Variants in ASAH2 observed in about 807,000 individuals in gnomAD.
ASAH2 encodes the protein neutral ceramidase.
Under a neutral mutation model 82.9 loss-of-function variants are expected in ASAH2, and 58 were observed. That is an observed-to-expected ratio of 0.70 (90% CI 0.57 to 0.87). The LOEUF is 0.87. Among genes scored for constraint, ASAH2 ranks in the 40% least tolerant of loss-of-function variants. ASAH2 has a pLI of 0.00. For synonymous variants in ASAH2, 276 were observed against 289.7 expected, an observed-to-expected ratio of 0.95 and a Z score of 0.48; for missense variants, 779 against 834.0, an observed-to-expected ratio of 0.93 and a Z score of 0.81.
At chr10:50,212,662 G>GA (rs1442448425) in intron 10 of ASAH2, among the ~76,000 whole-genome samples, 2 of 152,256 alleles carry the variant, frequency 1.3e-5, no homozygotes, top group African/African-American at 4.8e-5. Flanking sequence ...ACAAGAAATT[G>GA]AAAATCTTAT....
At chr10:50,250,310 G>A (rs1000650092) in intron 1 of ASAH2, among the ~76,000 whole-genome samples, 1 of 152,170 alleles carries the variant, frequency 6.6e-6, no homozygotes, top group South Asian at 2.1e-4. Context: ...ACACTTCAGA[G>A]GGTAGGCTGA....
intron 4 of ASAH2, among the ~76,000 whole-genome samples, chr10:50,238,517 G>C (rs1013007434): frequency 6.6e-6 from 1 of 151,906 alleles, no homozygotes; most frequent in South Asian, 2.1e-4. Flanking sequence ...CACCACTCTC[G>C]CATATTATTC....
intron 13 of ASAH2, 119 bp downstream of exon 13, chr10:50,205,857 CTTGATA>C: frequency 1.2e-6 from 1 of 833,584 alleles, no homozygotes; most frequent in South Asian, 1.5e-5. Flanking sequence ...ATATTAAAAA[CTTGATA>C]TGGGAATATC....
rs548828891 is a variant in ASAH2, at chr10:50,217,008, A to G, written c.1014+1502T>C. Among the ~76,000 whole-genome samples the G allele has an allele frequency of 3.5e-4, 54 of 152,234 alleles. 1 individual carries two copies. Among genetic ancestry groups the G allele is most frequent in the Non-Finnish European group, 4.3e-4 (29 of 68,008 alleles). ...GTTGAAATTTGATCTCCATTGTGGC[A>G]TTGCTGAGAGCTGTAGCCTAGCAGG... is the stretch of plus-strand genomic sequence containing the variant. On this transcript the variant is annotated intron_variant, in intron 8 of 20. Transcript: ENST00000682911.
chr10:50,210,336 C>T (rs1845418767), intron 12 of ASAH2, among the ~76,000 whole-genome samples: 1 of 152,008 alleles, frequency 6.6e-6, no homozygotes, highest in Non-Finnish European at 1.5e-5. Flanking sequence ...CCCATCTCTA[C>T]TAAAAATACA....
intron 14 of ASAH2, among the ~76,000 whole-genome samples, 186 bp downstream of exon 14, chr10:50,204,675 A>G (rs945983090): frequency 5.9e-5 from 9 of 151,910 alleles, no homozygotes; most frequent in Non-Finnish European, 1.3e-4. Flanking sequence ...CATCAATAAT[A>G]AGCATAGAGA....
intron 4 of ASAH2, among the ~76,000 whole-genome samples, chr10:50,242,981 A>G (rs1224418074): frequency 6.6e-6 from 1 of 152,228 alleles, no homozygotes; most frequent in African/African-American, 2.4e-5. Flanking sequence ...ATGAGTCATC[A>G]GCAGAAGTGA....
At chr10:50,233,394 T>C in intron 6 of ASAH2, 133 bp from the exon 7 acceptor site, 1 of 699,142 alleles carries the variant, frequency 1.4e-6, no homozygotes, top group East Asian at 2.5e-5. Context: ...GCAGTAGTTC[T>C]GTGAACTGTA....
intron 9 of ASAH2, among the ~76,000 whole-genome samples, chr10:50,213,910 T>C (rs1484945985): frequency 6.6e-6 from 1 of 152,124 alleles, no homozygotes; most frequent in Non-Finnish European, 1.5e-5. Context: ...AAAAAAAGCA[T>C]TATCACAGGT....
chr10:50,197,982 G>A (rs1211520571), intron 17 of ASAH2, among the ~76,000 whole-genome samples: 3 of 151,762 alleles, frequency 2.0e-5, no homozygotes, highest in African/African-American at 4.8e-5. Flanking sequence ...CTAAAACTGA[G>A]ACCAAAATTA....
At chr10:50,207,959 T>C (rs1845347732) in intron 12 of ASAH2, among the ~76,000 whole-genome samples, 1 of 151,914 alleles carries the variant, frequency 6.6e-6, no homozygotes, top group African/African-American at 2.4e-5. Context: ...AGAATTGTTA[T>C]AGAACATGAC....
intron 8 of ASAH2, 40 bp from the exon 9 acceptor site, chr10:50,214,908 A>G (rs771935128): frequency 3.7e-6 from 6 of 1,610,786 alleles, no homozygotes; most frequent in Non-Finnish European, 4.2e-6. Context: ...ATTCTTTCCT[A>G]TTTCCTGTAA....
At chr10:50,218,711 T>C in intron 7 of ASAH2, 81 bp from the exon 8 acceptor site, 1 of 1,525,886 alleles carries the variant, frequency 6.6e-7, no homozygotes, top group East Asian at 2.2e-5. Context: ...AGCTTAAGTT[T>C]TCTCCAGCAG....
intron 7 of ASAH2, among the ~76,000 whole-genome samples, chr10:50,223,599 A>T (rs1027598364): frequency 6.6e-6 from 1 of 152,212 alleles, no homozygotes; most frequent in Admixed American, 6.5e-5. Flanking sequence ...CTCTTTAGGA[A>T]ATAAAATATA....
At position 50,185,510 on chromosome 10, in the gene ASAH2, A is replaced by T. The variant is rs1844722864; in HGVS notation, c.*1805T>A. On this transcript the variant is annotated 3_prime_UTR_variant, in exon 21 of 21. Coordinates refer to ENST00000682911, the MANE Select transcript of ASAH2 (RefSeq NM_019893.4). ...TAGAGGTAGTGGAAACTGATTCATG[A>T]ACCCTTCTGAGTAATAACAAATACT... is the stretch of plus-strand genomic sequence containing the variant. 1.4e-5 allele frequency: 1 copy of T among 71,442 alleles called. No individual in the cohort carries two copies. The highest frequency in any genetic ancestry group is 4.7e-5 in the African/African-American group (1 of 21,344). The allele number at this position is 71,442 out of a possible 1,614,324, so 4.4% of individuals were successfully genotyped here.
chr10:50,193,158 T>C (rs1250376362), intron 18 of ASAH2, among the ~76,000 whole-genome samples: 2 of 143,002 alleles, frequency 1.4e-5, no homozygotes, highest in Non-Finnish European at 3.1e-5. Context: ...TCCTCCCCCC[T>C]GAAACGACTA....
At chr10:50,247,770 C>T (rs1250558229) in intron 2 of ASAH2, among the ~76,000 whole-genome samples, 1 of 152,116 alleles carries the variant, frequency 6.6e-6, no homozygotes, top group Non-Finnish European at 1.5e-5. Context: ...AGAGGCTCCA[C>T]CAAGACCCAC....
Position 50,235,910 on chromosome 10 carries a change from T to C in ASAH2, c.665A>G (p.His222Arg). The change falls in exon 5 of 21, where the codon CAC (histidine) becomes CGC (arginine). Residue 222 changes from histidine (H) to arginine (R), a missense_variant. His to Arg is a conservative substitution (Grantham distance 29, BLOSUM62 0). Around this residue, in one of 3 missense-constraint regions of ASAH2, gnomAD observed 759 missense variants for 755.2 expected, o/e 1.00. Coordinates refer to ENST00000682911, the MANE Select transcript of ASAH2 (RefSeq NM_019893.4). ...TACCTTCAAGATACCAGTGACCATG[T>C]GCTGAAAAGTTTGATTGCTAAATCC... ...SEGFSNQTFQHMVTGILKSID... is the reference protein window; with the variant it reads ...SEGFSNQTFQRMVTGILKSID... The C allele has an allele frequency of 6.2e-7, 1 of 1,613,342 alleles. No homozygotes were observed. The highest frequency in any genetic ancestry group is 8.5e-7 in the Non-Finnish European group (1 of 1,179,394).
At chr10:50,234,574 G>T (rs748750972) in intron 5 of ASAH2, 22 bp from the exon 6 acceptor site, 1 of 1,612,404 alleles carries the variant, frequency 6.2e-7, no homozygotes, top group South Asian at 1.1e-5. Flanking sequence ...AAAAGAGGGG[G>T]ATGTTATAAG....
Sources: gnomAD v4.1 joint callset for allele counts (sites outside exome capture counted in the v4.1 genomes callset) on GRCh38, gnomAD v4.1.1 for gene constraint, gnomAD v4.1.1 regional missense constraint, MANE v1.5 for transcripts, NCBI Gene and HGNC (gene_info 2026-07-23, HGNC 2026-07-21) for gene names.